ACTA2: variants seen among roughly 807,000 people sequenced by gnomAD.
ACTA2 encodes actin, aortic smooth muscle.
A neutral mutation model predicts 39.5 loss-of-function variants in ACTA2; 12 were observed. That is an observed-to-expected ratio of 0.30 (90% CI 0.19 to 0.49). The LOEUF (loss-of-function observed/expected upper bound fraction) is 0.49, where lower values mean the gene tolerates loss of function less well. Among genes scored for constraint, ACTA2 ranks in the 20% least tolerant of loss-of-function variants. ACTA2 has a pLI of 0.99. For synonymous variants in ACTA2, 158 were observed against 180.6 expected, an observed-to-expected ratio of 0.88 and a Z score of 1.00; for missense variants, 236 against 498.8, an observed-to-expected ratio of 0.47 and a Z score of 5.02.
chr10:88,968,106 T>TTTA (rs1181632084), intron 1 of ACTA2, among the ~76,000 whole-genome samples: 2 of 152,186 alleles, frequency 1.3e-5, no homozygotes, highest in African/African-American at 4.8e-5. Flanking sequence ...ACTATTCAAT[T>TTTA]CAGTAGTTTC....
At chr10:88,964,314 G>A (rs759309638) in intron 1 of ACTA2, among the ~76,000 whole-genome samples, 1 of 152,186 alleles carries the variant, frequency 6.6e-6, no homozygotes, top group Non-Finnish European at 1.5e-5. Flanking sequence ...CAGGGAATGA[G>A]CAATTCTCAA....
intron 1 of ACTA2, among the ~76,000 whole-genome samples, chr10:88,975,855 C>T (rs1365859962): frequency 1.3e-5 from 2 of 152,106 alleles, no homozygotes; most frequent in Non-Finnish European, 2.9e-5. Flanking sequence ...GTTTTTAGTG[C>T]ACTATCAGTA....
At chr10:88,983,896 A>G (rs569249195) in intron 1 of ACTA2, among the ~76,000 whole-genome samples, 1 of 152,280 alleles carries the variant, frequency 6.6e-6, no homozygotes, top group South Asian at 2.1e-4. Context: ...CTCAGTGCAA[A>G]GGCTGATAAA....
In ACTA2 at chr10:88,948,853, G is replaced by A. The variant is rs141538225; in HGVS notation, c.78C>T (p.Asp26=). 109 of 1,613,930 alleles carry A rather than the reference G, an allele frequency of 6.8e-5. 1 individual carries two copies. In the African/African-American group the frequency reaches 9.1e-4, roughly 13 times the overall value. Residue 26 remains aspartate, a synonymous_variant, in exon 2 of 9, where the codon GAC becomes GAT. Transcript: ENST00000224784. ...ATGGGAAAACAGCCCTGGGAGCATC[G>A]TCCCCAGCAAAGCCGGCCTTACAGA... ...SGLCKAGFAG[D]DAPRAVFPSI...
chr10:88,967,584 G>A (rs1401290049), intron 1 of ACTA2, among the ~76,000 whole-genome samples: 1 of 152,082 alleles, frequency 6.6e-6, no homozygotes, highest in African/African-American at 2.4e-5. Context: ...TACCTGCAAC[G>A]CAGCTTGGCA....
intron 1 of ACTA2, among the ~76,000 whole-genome samples, chr10:88,965,374 G>A (rs938672418): frequency 2.6e-5 from 4 of 152,154 alleles, no homozygotes; most frequent in Admixed American, 1.3e-4. Context: ...CATCTCAGAC[G>A]TTGTTAGTTT....
Position 88,990,847 on chromosome 10 carries a change from T to C in ACTA2, c.-24+92A>G, listed in dbSNP as rs1847132859. Reference sequence around the variant, plus strand: ...CCGCTCAGTACGGAGTTGGGGAAGCTCTTTCACTTCGGAGGATTGCTCAAC... The same window carrying C: ...CCGCTCAGTACGGAGTTGGGGAAGCCCTTTCACTTCGGAGGATTGCTCAAC... On this transcript the variant is annotated intron_variant, in intron 1 of 4. Coordinates refer to the ACTA2 transcript ENST00000415557. The surrounding 1 kb of genome is among the most constrained non-coding windows in gnomAD (Gnocchi z 4.9). 6.2e-7 allele frequency: 1 copy of C among 1,614,070 alleles called. No homozygotes were observed. The highest frequency in any genetic ancestry group is 1.1e-5 in the South Asian group (1 of 91,084).
intron 1 of ACTA2, among the ~76,000 whole-genome samples, chr10:88,976,665 C>T (rs1446841192): frequency 6.6e-6 from 1 of 152,148 alleles, no homozygotes; most frequent in Non-Finnish European, 1.5e-5. Context: ...TTAAAATACA[C>T]ACCAACTATT....
chr10:88,983,396 GTACT>G (rs2133353749), intron 1 of ACTA2, among the ~76,000 whole-genome samples: 1 of 152,234 alleles, frequency 6.6e-6, no homozygotes, highest in South Asian at 2.1e-4. Flanking sequence ...AGAAGGCTTT[GTACT>G]TACTTAGGGA....
chr10:88,988,544 T>G (rs1232120487), intron 1 of ACTA2, among the ~76,000 whole-genome samples: 1 of 152,046 alleles, frequency 6.6e-6, no homozygotes, highest in Non-Finnish European at 1.5e-5. Context: ...AGCTTTAACT[T>G]ATATGGTATG....
chr10:88,957,178 G>A (rs1333049040), upstream of ACTA2, among the ~76,000 whole-genome samples: 1 of 152,154 alleles, frequency 6.6e-6, no homozygotes, highest in Non-Finnish European at 1.5e-5. Flanking sequence ...GGCCAACTAG[G>A]AAAGTGGAAT....
chr10:88,946,467 A>G, intron 3 of ACTA2, among the ~76,000 whole-genome samples: 1 of 151,682 alleles, frequency 6.6e-6, no homozygotes, highest in African/African-American at 2.4e-5. Context: ...ATCTTGGCCC[A>G]CTGCAGCCTC....
rs1178695989 is a variant in ACTA2 at position 88,939,539 on chromosome 10, CA to C, written c.775del (p.Cys259AlafsTer27). 1 of 1,613,674 alleles carries C rather than the reference CA, an allele frequency of 6.2e-7. No individual in the cohort carries two copies. Among genetic ancestry groups the C allele is most frequent in the Non-Finnish European group, 8.5e-7 (1 of 1,179,986 alleles). On this transcript the variant is annotated frameshift_variant, in exon 7 of 9. Transcript: ENST00000224784. LOFTEE classifies it high-confidence loss of function. ...GGATGGCTGGAACAGGGTCTCTGGG[CA>C]GCGGAAACGTTCATTTCCGATGGTG... ...VITIGNERFR[C>X]PETLFQPSFI...
chr10:88,947,225 C>T (rs1397197507), intron 3 of ACTA2, 33 bp downstream of exon 3: 2 of 1,613,356 alleles, frequency 1.2e-6, no homozygotes, highest in African/African-American at 2.7e-5. Context: ...ATTATGCATC[C>T]TGAGGGCCCA....
intron 7 of ACTA2, chr10:88,938,486 A>AT (rs1028539750): frequency 9.8e-6 from 5 of 509,204 alleles, no homozygotes; most frequent in Non-Finnish European, 1.8e-5. Flanking sequence ...GGTATCACTG[A>AT]TTTTTTAATA....
At chr10:88,989,432 C>A (rs1481826478) in intron 1 of ACTA2, 1 of 534,672 alleles carries the variant, frequency 1.9e-6, no homozygotes, top group African/African-American at 1.9e-5. Flanking sequence ...TGCCCATATA[C>A]CATCCTCCTT....
In ACTA2 at chr10:88,990,845, G is replaced by A; in HGVS notation, c.-24+94C>T. ...ACCCGCTCAGTACGGAGTTGGGGAAGCTCTTTCACTTCGGAGGATTGCTCA... is the reference window on the plus strand; with the variant it reads ...ACCCGCTCAGTACGGAGTTGGGGAAACTCTTTCACTTCGGAGGATTGCTCA... On this transcript the variant is annotated intron_variant, in intron 1 of 4. Transcript: ENST00000415557. The surrounding 1 kb of genome is among the most constrained non-coding windows in gnomAD (Gnocchi z 4.9). The A allele has an allele frequency of 6.2e-7, 1 of 1,614,248 alleles. No homozygotes were observed.
At chr10:88,945,515 T>G (rs1211904680) in intron 3 of ACTA2, among the ~76,000 whole-genome samples, 1 of 152,064 alleles carries the variant, frequency 6.6e-6, no homozygotes, top group Admixed American at 6.5e-5. Flanking sequence ...ACTTTCTCAT[T>G]ATTTCTTCTG....
At chr10:88,960,066 C>A (rs929065753) in intron 1 of ACTA2, among the ~76,000 whole-genome samples, 3 of 152,118 alleles carry the variant, frequency 2.0e-5, no homozygotes, top group African/African-American at 7.2e-5. Context: ...GGTTTCTCTA[C>A]TGTAAAATTA....
Sources: allele counts gnomAD v4.1 joint callset (sites outside exome capture counted in the v4.1 genomes callset), GRCh38; gene constraint gnomAD v4.1.1; non-coding constraint Gnocchi (gnomAD v3.1); transcripts MANE v1.5; gene names NCBI Gene and HGNC (gene_info 2026-07-23, HGNC 2026-07-21).